Variants in MICAL3 observed in about 807,000 individuals in gnomAD.
MICAL3 encodes [F-actin]-monooxygenase MICAL3.
A neutral mutation model predicts 207.4 loss-of-function variants in MICAL3; 62 were observed. The observed-to-expected ratio is 0.30, with a 90% CI of 0.24 to 0.37. The LOEUF (loss-of-function observed/expected upper bound fraction) is 0.37, where lower values mean the gene tolerates loss of function less well. MICAL3 is among the 10% of genes least tolerant of loss of function. The pLI is 1.00. For synonymous variants in MICAL3, 1,077 were observed against 1,069.3 expected, an observed-to-expected ratio of 1.01 and a Z score of -0.14; for missense variants, 2,368 against 2,635.6, an observed-to-expected ratio of 0.90 and a Z score of 2.22.
chr22:18,016,722 C>T (rs1254114046), intron 1 of MICAL3, among the ~76,000 whole-genome samples: 1 of 152,102 alleles, frequency 6.6e-6, no homozygotes, highest in Non-Finnish European at 1.5e-5. Flanking sequence ...AGGCGGATCA[C>T]GAGGTCAGGA....
At chr22:17,829,575 C>T (rs1922572193) in intron 21 of MICAL3, among the ~76,000 whole-genome samples, 1 of 152,172 alleles carries the variant, frequency 6.6e-6, no homozygotes, top group Non-Finnish European at 1.5e-5. Flanking sequence ...AGTGCAGGGC[C>T]TTTCTCTACC....
intron 27 of MICAL3, chr22:17,812,425 G>T: frequency 1.4e-6 from 1 of 690,396 alleles, no homozygotes; most frequent in Non-Finnish European, 1.8e-6. Flanking sequence ...TGAGGATGTG[G>T]CTGGAGGGCC....
intron 1 of MICAL3, among the ~76,000 whole-genome samples, chr22:17,958,782 C>T (rs1934753776): frequency 6.6e-6 from 1 of 151,784 alleles, no homozygotes; most frequent in South Asian, 2.1e-4. Flanking sequence ...CAGCTCACTG[C>T]AACCTCCACC....
intron 1 of MICAL3, among the ~76,000 whole-genome samples, chr22:17,914,406 C>T (rs560442661): frequency 2.2e-4 from 32 of 146,104 alleles, no homozygotes; most frequent in Non-Finnish European, 4.1e-4. Flanking sequence ...CACCATCCCG[C>T]GAGGCAGGAT....
chr22:18,023,303 C>G (rs977713559), intron 1 of MICAL3, among the ~76,000 whole-genome samples: 1 of 152,164 alleles, frequency 6.6e-6, no homozygotes, highest in Admixed American at 6.5e-5. Context: ...AAGTCAGAAT[C>G]TCCAGGGATT....
intron 1 of MICAL3, among the ~76,000 whole-genome samples, chr22:17,921,706 C>T (rs1932803775): frequency 6.6e-6 from 1 of 152,140 alleles, no homozygotes; most frequent in African/African-American, 2.4e-5. Context: ...CCAGGCTAGT[C>T]TCGAACTCTT....
chr22:17,872,231 G>C (rs1171061515), intron 16 of MICAL3, among the ~76,000 whole-genome samples: 1 of 152,266 alleles, frequency 6.6e-6, no homozygotes. Flanking sequence ...CGCACTGACA[G>C]AGAACACTTG....
In MICAL3 at chr22:17,818,125, C is replaced by T. The variant is rs757401927; in HGVS notation, c.4536G>A (p.Ser1512=). The change falls in exon 26 of 32, where the codon TCG becomes TCA. Residue 1512 remains serine (S), a synonymous_variant. Transcript: ENST00000441493. ...GAATCTCCTCCACGCTCTCCACAAA[C>T]GACTTCCGCACCTCCTCTCTGGGGG... is the stretch of plus-strand genomic sequence containing the variant. ...AQPPREEVRK[S]FVESVEEIPF... 8 of 1,610,976 alleles carry T rather than the reference C, an allele frequency of 5.0e-6. No individual in the cohort carries two copies. Among genetic ancestry groups the T allele is most frequent in the Admixed American group, 1.7e-5 (1 of 59,722 alleles).
intron 16 of MICAL3, among the ~76,000 whole-genome samples, chr22:17,874,582 G>A (rs1928076784): frequency 6.6e-6 from 1 of 152,248 alleles, no homozygotes; most frequent in East Asian, 1.9e-4. Flanking sequence ...TGGCAACACT[G>A]ACAAGCATCC....
chr22:17,922,029 G>T (rs1427580182), intron 1 of MICAL3, among the ~76,000 whole-genome samples: 1 of 151,976 alleles, frequency 6.6e-6, no homozygotes, highest in Non-Finnish European at 1.5e-5. Context: ...CCTCACCTTT[G>T]CCTACAACGC....
rs1284702676 is a variant in MICAL3 at position 17,896,920 on chromosome 22, C to G, written c.1010G>C (p.Ser337Thr). ...RENVDQEALL[S>T]YAREAADFST... Reference sequence around the variant, plus strand: ...GAAGTCTGCCGCCTCCCTGGCATAGCTGAGCAGAGCCTCCTGGTCCACGTT... The same window carrying G: ...GAAGTCTGCCGCCTCCCTGGCATAGGTGAGCAGAGCCTCCTGGTCCACGTT... Residue 337 changes from serine (S) to threonine (T), a missense_variant, in exon 8 of 32, where the codon AGC becomes ACC. Around this residue, in one of 4 missense-constraint regions of MICAL3, gnomAD observed 400 missense variants for 547.0 expected, o/e 0.73. Transcript: ENST00000441493. The G allele has an allele frequency of 1.2e-6, 2 of 1,614,004 alleles. No individual in the cohort carries two copies. The highest frequency in any genetic ancestry group is 1.7e-6 in the Non-Finnish European group (2 of 1,179,910).
chr22:17,893,806 A>C lies in MICAL3; in HGVS notation c.1546+2T>G. 1 of 1,561,832 alleles carries C rather than the reference A, an allele frequency of 6.4e-7. No individual in the cohort carries two copies. The highest frequency in any genetic ancestry group is 8.7e-7 in the Non-Finnish European group (1 of 1,149,984). ...TTTTAAAAAGCCACCACCAGAACTC[A>C]CCATTGCGAGTCAATTTGGGGGTGG... On this transcript the variant is annotated splice_donor_variant, in intron 11 of 31. Coordinates refer to ENST00000441493, the MANE Select transcript of MICAL3 (RefSeq NM_015241.3). LOFTEE classifies it high-confidence loss of function.
In MICAL3 at chr22:18,011,320, C is replaced by T. The variant is rs148748455; in HGVS notation, c.-75+12961G>A. ...CAGCACTTTGGGAGGCCTAGGAAGG[C>T]GGATCACCTGAGGTCGGAGTTCGAG... On this transcript the variant is annotated intron_variant, in intron 1 of 31. Transcript: ENST00000441493. 8.9e-3 allele frequency among the ~76,000 whole-genome samples: 1,356 copies of T among 152,132 alleles called. 15 individuals are homozygous for T. The highest frequency in any genetic ancestry group is 0.03 in the African/African-American group (1,243 of 41,510).
intron 1 of MICAL3, among the ~76,000 whole-genome samples, chr22:18,003,766 CCTTT>C (rs1340978861): frequency 8.6e-5 from 13 of 151,694 alleles, no homozygotes; most frequent in East Asian, 3.9e-4. Context: ...TCTGGGATAC[CCTTT>C]CTTTATTTTT....
At chr22:17,850,428 T>TTTA (rs1925197574) in intron 19 of MICAL3, among the ~76,000 whole-genome samples, 1 of 139,084 alleles carries the variant, frequency 7.2e-6, no homozygotes, top group African/African-American at 2.9e-5. Flanking sequence ...TTTTTTTTTT[T>TTTA]GAGATGGAGT....
At chr22:17,820,880 A>ATGTT (rs1921524005) in intron 25 of MICAL3, among the ~76,000 whole-genome samples, 1 of 138,822 alleles carries the variant, frequency 7.2e-6, no homozygotes, top group Non-Finnish European at 1.6e-5. Flanking sequence ...TAATAAATTT[A>ATGTT]TATTTATAAA....
At chr22:17,875,150 A>G (rs1928155332) in intron 16 of MICAL3, 1 of 182,274 alleles carries the variant, frequency 5.5e-6, no homozygotes, top group Non-Finnish European at 1.1e-5. Context: ...AATGGCTGCA[A>G]AACATTTATC....
At chr22:17,984,310 T>C (rs1339762748) in intron 1 of MICAL3, among the ~76,000 whole-genome samples, 2 of 152,242 alleles carry the variant, frequency 1.3e-5, no homozygotes, top group Non-Finnish European at 2.9e-5. Context: ...CCCAACCACC[T>C]GCTGCCAGCC....
chr22:17,915,117 T>C (rs1207156811), intron 1 of MICAL3, among the ~76,000 whole-genome samples: 1 of 151,718 alleles, frequency 6.6e-6, no homozygotes, highest in East Asian at 1.9e-4. Flanking sequence ...AAAAAAAAGC[T>C]GTTCTCCTCA....
Sources: allele counts gnomAD v4.1 joint callset (sites outside exome capture counted in the v4.1 genomes callset), GRCh38; gene constraint gnomAD v4.1.1; regional missense constraint gnomAD v4.1.1; transcripts MANE v1.5; gene names NCBI Gene and HGNC (gene_info 2026-07-23, HGNC 2026-07-21).